PLXNC1: variants seen among roughly 807,000 people sequenced by gnomAD.
PLXNC1 encodes plexin C1.
A neutral mutation model predicts 178.2 loss-of-function variants in PLXNC1; 75 were observed. That is an observed-to-expected ratio of 0.42 (90% CI 0.35 to 0.51). PLXNC1 has a LOEUF of 0.51. Ranked by LOEUF, PLXNC1 falls within the 20% of genes least tolerant of loss-of-function variation. The pLI, the probability that PLXNC1 is intolerant of heterozygous loss-of-function variation, is 0.02. For missense variants in PLXNC1, 1,503 were observed against 1,984.4 expected (o/e 0.76, Z 4.61); for synonymous variants, 790 against 779.9 (o/e 1.01, Z -0.22).
At chr12:94,284,145 G>A (rs2136155763) in intron 23 of PLXNC1, among the ~76,000 whole-genome samples, 1 of 151,540 alleles carries the variant, frequency 6.6e-6, no homozygotes, top group Admixed American at 6.6e-5. Context: ...CTGGTCTTAG[G>A]TTTTACAATA....
intron 21 of PLXNC1, among the ~76,000 whole-genome samples, chr12:94,267,785 G>A (rs1432025420): frequency 6.6e-6 from 1 of 152,094 alleles, no homozygotes; most frequent in Non-Finnish European, 1.5e-5. Flanking sequence ...TTCCTTTCAG[G>A]CATTTCCCCC....
chr12:94,220,310 TCCTCC>T, intron 6 of PLXNC1, 147 bp downstream of exon 6: 1 of 698,600 alleles, frequency 1.4e-6, no homozygotes, highest in South Asian at 1.8e-5. Flanking sequence ...TTGCTCTGGG[TCCTCC>T]TCACCTCTGG....
Position 94,298,812 on chromosome 12 carries a change from T to C in PLXNC1, c.4238+17T>C. The C allele has an allele frequency of 6.2e-7, 1 of 1,600,036 alleles. No homozygotes were observed. The highest frequency in any genetic ancestry group is 1.1e-5 in the South Asian group (1 of 88,216). On this transcript the variant is annotated intron_variant, in intron 27 of 30. Transcript: ENST00000258526. ...AACAAACAGGTGGGAATGTAGGTGA[T>C]TAGTGACTGTTTTCAAGAATCTGGG... is the stretch of plus-strand genomic sequence containing the variant.
chr12:94,245,120 T>C (rs556831771), intron 12 of PLXNC1, among the ~76,000 whole-genome samples: 1 of 152,302 alleles, frequency 6.6e-6, no homozygotes, highest in Admixed American at 6.5e-5. Context: ...CAGAGCCACT[T>C]CCAAGCCTCA....
chr12:94,260,819 C>T lies in PLXNC1; in HGVS notation c.3429C>T (p.Val1143=). 1 of 1,614,182 alleles carries T rather than the reference C, an allele frequency of 6.2e-7. No individual in the cohort carries two copies. ...AACTCCTCACAAACTGGATGTCCGT[C>T]TGCCTTTCTGGATTTCTCCGGGTAA... ...VEKLLTNWMS[V]CLSGFLRETV... The change falls in exon 20 of 31, where the codon GTC becomes GTT. Residue 1143 remains valine (V), a synonymous_variant. Coordinates refer to ENST00000258526, the MANE Select transcript of PLXNC1 (RefSeq NM_005761.3). The surrounding 1 kb of genome is among the most constrained non-coding windows in gnomAD (Gnocchi z 4.4).
chr12:94,208,186 CG>C (rs2135999784), intron 4 of PLXNC1, among the ~76,000 whole-genome samples: 1 of 152,226 alleles, frequency 6.6e-6, no homozygotes, highest in South Asian at 2.1e-4. Context: ...GGAGAATTGC[CG>C]ATGAAAATCC....
At chr12:94,160,079 C>T (rs555428494) in intron 1 of PLXNC1, among the ~76,000 whole-genome samples, 2 of 152,186 alleles carry the variant, frequency 1.3e-5, no homozygotes, top group African/African-American at 4.8e-5. Context: ...AGGGAGTTGG[C>T]AATGAAGTTA....
chr12:94,226,493 T>G, intron 7 of PLXNC1, 112 bp from the exon 8 acceptor site: 1 of 692,652 alleles, frequency 1.4e-6, no homozygotes. Context: ...CAGGGATTTT[T>G]TTTTTTTTTT....
chr12:94,173,438 GAT>G (rs1961921605), intron 2 of PLXNC1, among the ~76,000 whole-genome samples: 1 of 152,202 alleles, frequency 6.6e-6, no homozygotes, highest in East Asian at 1.9e-4. Context: ...AAGCATAAAA[GAT>G]AAGAAGGCAA....
At chr12:94,212,722 C>CTTTTTTTTTTTT (rs538048142) in intron 5 of PLXNC1, among the ~76,000 whole-genome samples, 1 of 136,164 alleles carries the variant, frequency 7.3e-6, no homozygotes, top group Non-Finnish European at 1.6e-5. Context: ...CTTTTCTTTT[C>CTTTTTTTTTTTT]TTTTTTTTTT....
intron 2 of PLXNC1, among the ~76,000 whole-genome samples, chr12:94,173,872 C>T (rs1439641077): frequency 2.0e-5 from 3 of 152,128 alleles, no homozygotes; most frequent in Admixed American, 2.0e-4. Flanking sequence ...GTGCAGAGCC[C>T]GCTCCTCTCT....
At chr12:94,302,851 T>C (rs1197114909) in intron 28 of PLXNC1, among the ~76,000 whole-genome samples, 1 of 152,226 alleles carries the variant, frequency 6.6e-6, no homozygotes, top group Non-Finnish European at 1.5e-5. Flanking sequence ...TTTATCATTG[T>C]ACTCTCAATG....
chr12:94,305,116 T>C (rs938821149), intron 30 of PLXNC1, 65 bp from the exon 31 acceptor site: 4 of 946,560 alleles, frequency 4.2e-6, no homozygotes, highest in South Asian at 2.9e-5. Context: ...GCATCAGGTA[T>C]GCAAAAAACA....
intron 9 of PLXNC1, among the ~76,000 whole-genome samples, chr12:94,234,891 T>C (rs1964200425): frequency 1.3e-5 from 2 of 152,270 alleles, no homozygotes. Context: ...TTGTCTGTAC[T>C]GGATTTTTCA....
At chr12:94,177,205 A>ATG (rs1345751144) in intron 2 of PLXNC1, among the ~76,000 whole-genome samples, 3 of 44,716 alleles carry the variant, frequency 6.7e-5, no homozygotes, top group African/African-American at 2.9e-4. Flanking sequence ...ATATACGTAT[A>ATG]TATATATGTG....
intron 5 of PLXNC1, among the ~76,000 whole-genome samples, chr12:94,214,117 C>G (rs1021382765): frequency 1.3e-5 from 2 of 150,788 alleles, no homozygotes; most frequent in South Asian, 4.2e-4. Context: ...CAGGGTCTCC[C>G]TCTGTCATCT....
At chr12:94,181,379 T>A in intron 2 of PLXNC1, 67 bp from the exon 3 acceptor site, 1 of 1,064,808 alleles carries the variant, frequency 9.4e-7, no homozygotes, top group Non-Finnish European at 1.3e-6. Flanking sequence ...AGAGCGAGAT[T>A]CCGTCTCAAA....
At chr12:94,212,199 G>T (rs1174710196) in intron 5 of PLXNC1, among the ~76,000 whole-genome samples, 5 of 148,718 alleles carry the variant, frequency 3.4e-5, no homozygotes, top group Admixed American at 1.3e-4. Context: ...GCGTGAACCC[G>T]GGAGGCGGAG....
chr12:94,149,093 G>T lies in PLXNC1; in HGVS notation c.122G>T (p.Arg41Leu). The change falls in exon 1 of 31, where the codon CGG (arginine) becomes CTG (leucine). Residue 41 changes from arginine to leucine, a missense_variant. Physicochemically the swap from Arg to Leu is moderately radical, Grantham distance 102. Coordinates refer to ENST00000258526, the MANE Select transcript of PLXNC1 (RefSeq NM_005761.3). ...CGGGGCGCGGACGAGCCCGTGTGGC[G>T]GTCGGAGCAAGCCATCGGAGCCATC... Reference protein sequence around the residue: ...PGRGADEPVWRSEQAIGAIAA... With the variant: ...PGRGADEPVWLSEQAIGAIAA... 1.9e-6 allele frequency: 3 copies of T among 1,580,458 alleles called. No homozygotes were observed. The highest frequency in any genetic ancestry group is 1.7e-5 in the Admixed American group (1 of 57,726).
Sources: gnomAD v4.1 joint callset for allele counts (sites outside exome capture counted in the v4.1 genomes callset) on GRCh38, gnomAD v4.1.1 for gene constraint, Gnocchi (gnomAD v3.1) non-coding constraint, MANE v1.5 for transcripts, NCBI Gene and HGNC (gene_info 2026-07-23, HGNC 2026-07-21) for gene names.